The following CEP63 variants were observed in gnomAD, a reference collection of about 807,000 sequenced individuals.
CEP63 encodes centrosomal protein 63.
Under a neutral mutation model 89.1 loss-of-function variants are expected in CEP63, and 84 were observed. That is an observed-to-expected ratio of 0.94 (90% CI 0.79 to 1.13). The LOEUF is 1.13. CEP63 is among the 50% of genes most tolerant of loss of function. The pLI is 0.00. For missense variants in CEP63, 838 were observed against 813.3 expected (o/e 1.03, Z -0.37); for synonymous variants, 267 against 272.5 (o/e 0.98, Z 0.20).
the CEP63 span, among the ~76,000 whole-genome samples, chr3:134,633,550 A>G: frequency 6.6e-6 from 1 of 152,132 alleles, no homozygotes; most frequent in Non-Finnish European, 1.5e-5. Context: ...ACAAAATTTA[A>G]CATCCGTTCA....
chr3:134,601,158 G>T, the CEP63 span: 1 of 152,322 alleles, frequency 6.6e-6, no homozygotes, highest in African/African-American at 2.4e-5. Context: ...ATGAAGATTA[G>T]ATTTCATTTC....
intron 3 of CEP63, among the ~76,000 whole-genome samples, chr3:134,523,202 T>C (rs1433385842): frequency 6.6e-6 from 1 of 152,238 alleles, no homozygotes; most frequent in Non-Finnish European, 1.5e-5. Flanking sequence ...TATGCCTTCT[T>C]TTGAAATGTG....
chr3:134,779,335 A>G, the CEP63 span, among the ~76,000 whole-genome samples: 1 of 152,168 alleles, frequency 6.6e-6, no homozygotes, highest in African/African-American at 2.4e-5. Flanking sequence ...GCTCCTGTAT[A>G]AGAATACACC....
Position 134,510,400 on chromosome 3 carries a change from G to A in CEP63, c.222+3114G>A, listed in dbSNP as rs192304992. On this transcript the variant is annotated intron_variant, in intron 3 of 14. Transcript: ENST00000675561. ...ATAGTCTAACACCTGCAATCCACCA[G>A]TCTGCATGGACTGTAAGCAGGTATG... 3.5e-4 allele frequency: 70 copies of A among 202,784 alleles called. 1 individual carries two copies. Among genetic ancestry groups the A allele is most frequent in the African/African-American group, 1.6e-3 (68 of 42,826 alleles). 12.6% of individuals were successfully genotyped at this position (202,784 alleles called of 1,614,324 possible).
chr3:134,640,806 A>G, the CEP63 span, among the ~76,000 whole-genome samples: 1 of 152,118 alleles, frequency 6.6e-6, no homozygotes, highest in African/African-American at 2.4e-5. Flanking sequence ...TATACCCCAA[A>G]TCCACACCAT....
intron 3 of CEP63, among the ~76,000 whole-genome samples, chr3:134,518,872 GA>G (rs1267375570): frequency 8.6e-5 from 13 of 151,740 alleles, no homozygotes; most frequent in African/African-American, 3.1e-4. Context: ...TATTCTCTTC[GA>G]AAAAAATTAA....
intron 2 of CEP63, among the ~76,000 whole-genome samples, chr3:134,496,472 G>A (rs1559864598): frequency 6.6e-6 from 1 of 151,876 alleles, no homozygotes; most frequent in Admixed American, 6.6e-5. Flanking sequence ...AGAACAACTG[G>A]ACAAAGAGAA....
At chr3:134,556,484 G>A (rs532315514) in intron 12 of CEP63, among the ~76,000 whole-genome samples, 1 of 151,844 alleles carries the variant, frequency 6.6e-6, no homozygotes, top group African/African-American at 2.4e-5. Context: ...AAGGGAGGGA[G>A]GGAACTTGAT....
At chr3:134,709,300 G>A in the CEP63 span, among the ~76,000 whole-genome samples, 1 of 152,186 alleles carries the variant, frequency 6.6e-6, no homozygotes, top group African/African-American at 2.4e-5. Flanking sequence ...GGACATTGCT[G>A]TGGGGGTGGA....
chr3:134,590,296 A>C (rs766223959), downstream of CEP63, among the ~76,000 whole-genome samples: 14 of 152,202 alleles, frequency 9.2e-5, no homozygotes, highest in Non-Finnish European at 2.9e-5. Flanking sequence ...TAGAAAATCC[A>C]AAAGGACCTC....
chr3:134,731,392 A>C, the CEP63 span, among the ~76,000 whole-genome samples: 7 of 152,248 alleles, frequency 4.6e-5, no homozygotes, highest in Non-Finnish European at 1.0e-4. Flanking sequence ...CATTTCAAAG[A>C]ATCAATGATA....
chr3:134,685,624 C>T, the CEP63 span, among the ~76,000 whole-genome samples: 1 of 152,222 alleles, frequency 6.6e-6, no homozygotes, highest in African/African-American at 2.4e-5. Flanking sequence ...ACAGATGATG[C>T]CACCCTTTTC....
chr3:134,516,795 G>T (rs1946349640), intron 3 of CEP63, among the ~76,000 whole-genome samples: 1 of 152,210 alleles, frequency 6.6e-6, no homozygotes, highest in African/African-American at 2.4e-5. Context: ...CAAGGCAGAA[G>T]AATTTTTCTT....
intron 1 of CEP63, among the ~76,000 whole-genome samples, chr3:134,489,636 T>C (rs1191530972): frequency 2.6e-5 from 4 of 152,218 alleles, no homozygotes; most frequent in Non-Finnish European, 4.4e-5. Flanking sequence ...TATCTAATTC[T>C]ATTATTTCTT....
chr3:134,565,259 A>G (rs563070085), downstream of CEP63, among the ~76,000 whole-genome samples: 4 of 152,300 alleles, frequency 2.6e-5, no homozygotes, highest in African/African-American at 9.6e-5. Flanking sequence ...TGTGGGCTGG[A>G]CATTACCTTC....
At chr3:134,579,562 T>C (rs185021670), downstream of CEP63, among the ~76,000 whole-genome samples, 3 of 152,352 alleles carry the variant, frequency 2.0e-5, no homozygotes, top group East Asian at 1.9e-4. Flanking sequence ...CATGTGCTTA[T>C]TAGCTATTCA....
At chr3:134,749,332 C>G in the CEP63 span, among the ~76,000 whole-genome samples, 330 of 152,200 alleles carry the variant, frequency 2.2e-3, 3 homozygotes, top group African/African-American at 7.5e-3. Context: ...TGAGTATCAC[C>G]AGATCAGGCA....
intron 3 of CEP63, among the ~76,000 whole-genome samples, chr3:134,525,252 T>C (rs911638371): frequency 3.9e-5 from 6 of 152,214 alleles, no homozygotes; most frequent in Admixed American, 1.3e-4. Flanking sequence ...TCTGATTGTG[T>C]CTATTTGAGT....
At chr3:134,486,601 C>G (rs1559838859) in intron 1 of CEP63, 1 of 883,236 alleles carries the variant, frequency 1.1e-6, no homozygotes, top group Non-Finnish European at 1.3e-6. Context: ...CCCGGCGGAC[C>G]CACCTTCCTT....
Sources: allele counts gnomAD v4.1 joint callset (sites outside exome capture counted in the v4.1 genomes callset), GRCh38; gene constraint gnomAD v4.1.1; transcripts MANE v1.5; gene names NCBI Gene and HGNC (gene_info 2026-07-23, HGNC 2026-07-21).